GGT7: variants seen among roughly 807,000 people sequenced by gnomAD.
GGT7 encodes the protein gamma-glutamyltransferase 7.
In GGT7, 30 loss-of-function variants were observed where a neutral mutation model predicts 69.2. The observed-to-expected ratio is 0.43, with a 90% CI of 0.32 to 0.59. GGT7 has a LOEUF of 0.59. Ranked by LOEUF, GGT7 falls within the 20% of genes least tolerant of loss-of-function variation. GGT7 has a pLI of 0.05. For missense variants in GGT7, 733 were observed against 901.1 expected, an observed-to-expected ratio of 0.81 and a Z score of 2.39; for synonymous variants, 388 against 391.8, an observed-to-expected ratio of 0.99 and a Z score of 0.12.
intron 10 of GGT7, among the ~76,000 whole-genome samples, chr20:34,853,340 G>GGTGTGTGTGTGTGTGTGT (rs10527077): frequency 1.4e-4 from 21 of 147,322 alleles, no homozygotes; most frequent in African/African-American, 5.3e-4. Flanking sequence ...ATTTCATATA[G>GGTGTGTGTGTGTGTGTGT]GTGTGTGTGT....
chr20:34,862,906 C>A lies in GGT7; in HGVS notation c.465G>T (p.Glu155Asp). The A allele has an allele frequency of 2.5e-6, 4 of 1,614,108 alleles. No homozygotes were observed. Among genetic ancestry groups the A allele is most frequent in the Non-Finnish European group, 3.4e-6 (4 of 1,179,978 alleles). ...CAGAAGATCCCTGTTTACTGAGCAC[C>A]TCGATGCCCAGTGAAGTGCAGCGGG... ...DAARCTSLGI[E>D]VLSKQGSSVD... The change falls in exon 3 of 15, where the codon GAG becomes GAT. Residue 155 changes from glutamate (E) to aspartate (D), a missense_variant. Transcript: ENST00000336431.
At position 34,859,584 on chromosome 20, in the gene GGT7, C is replaced by G. The variant is rs747207276; in HGVS notation, c.873G>C (p.Thr291=). 3.7e-6 allele frequency: 6 copies of G among 1,602,852 alleles called. No individual in the cohort carries two copies. The highest frequency in any genetic ancestry group is 5.1e-6 in the Non-Finnish European group (6 of 1,175,052). The change falls in exon 7 of 15, where the codon ACG becomes ACC. Residue 291 remains threonine, a synonymous_variant. Coordinates refer to ENST00000336431, the MANE Select transcript of GGT7 (RefSeq NM_178026.3). ...GTGGCGGGCGGCCCGATGGCAGGAA[C>G]GTCTCCCGGAAGCGCTCGGACATGT... ...PPNMSERFRE[T]FLPSGRPPLP...
chr20:34,865,783 C>A (rs1460591750), intron 1 of GGT7, among the ~76,000 whole-genome samples: 1 of 152,216 alleles, frequency 6.6e-6, no homozygotes, highest in Non-Finnish European at 1.5e-5. Flanking sequence ...TCTTCCATCC[C>A]ATAGCTCCCT....
chr20:34,852,455 T>C lies in GGT7; in HGVS notation c.1403A>G (p.Asp468Gly). The C allele has an allele frequency of 1.2e-6, 2 of 1,613,592 alleles. No homozygotes were observed. The highest frequency in any genetic ancestry group is 1.7e-5 in the Admixed American group (1 of 59,882). ...CACCTGGGCAGCCGTGGGAGCTCCG[T>C]CTAGTTCATAGACAGGCAGGAGTGG... ...PAPLLPVYELDGAPTAAQVLI... is the reference protein window; with the variant it reads ...PAPLLPVYELGGAPTAAQVLI... The change falls in exon 11 of 15, where the codon GAC (aspartate) becomes GGC (glycine). Residue 468 changes from aspartate to glycine, a missense_variant. Asp to Gly is a moderately conservative substitution (Grantham distance 94). Coordinates refer to ENST00000336431, the MANE Select transcript of GGT7 (RefSeq NM_178026.3).
At chr20:34,858,842 C>A (rs537080619) in intron 7 of GGT7, among the ~76,000 whole-genome samples, 123 of 152,264 alleles carry the variant, frequency 8.1e-4, no homozygotes, top group African/African-American at 2.9e-3. Flanking sequence ...GCTGGCATCA[C>A]CCCTGAGAAG....
rs539307397 is a variant in GGT7, at chr20:34,871,218, C to T, written c.169+1429G>A. On this transcript the variant is annotated intron_variant, in intron 1 of 14. Transcript: ENST00000336431. ...AAATGCTAAGACATTTACAGAGGGCCAGAAGAAAACATGTCAGGCAGTTCC... is the reference window on the plus strand; with the variant it reads ...AAATGCTAAGACATTTACAGAGGGCTAGAAGAAAACATGTCAGGCAGTTCC... Among the ~76,000 whole-genome samples, 15 of 152,176 alleles carry T rather than the reference C, an allele frequency of 9.9e-5. No homozygotes were observed. In the East Asian group the frequency reaches 2.9e-3, roughly 29 times the overall value.
Position 34,851,264 on chromosome 20 carries a change from A to T in GGT7, c.1692T>A (p.Asn564Lys). The T allele has an allele frequency of 6.2e-7, 1 of 1,613,816 alleles. No homozygotes were observed. The highest frequency in any genetic ancestry group is 1.3e-5 in the African/African-American group (1 of 75,052). Residue 564 changes from asparagine to lysine, a missense_variant, in exon 13 of 15, where the codon AAT (asparagine) becomes AAA (lysine). Asn to Lys is a moderately conservative substitution (Grantham distance 94). Coordinates refer to ENST00000336431, the MANE Select transcript of GGT7 (RefSeq NM_178026.3). The part of the protein sequence containing the change: ...LCGTYLALGA[N>K]GAARGLSGLT... ...GGCCGCTGAGGCCCCGCGCAGCTCC[A>T]TTGGCCCCCAGAGCGAGGTAGGTTC...
intron 8 of GGT7, among the ~76,000 whole-genome samples, chr20:34,855,682 G>C (rs2079478691): frequency 6.6e-6 from 1 of 152,122 alleles, no homozygotes; most frequent in Admixed American, 6.5e-5. Context: ...TTTAAGGAGG[G>C]AACCAAGGCT....
At position 34,851,171 on chromosome 20, in the gene GGT7, G is replaced by A. The variant is rs2079383895; in HGVS notation, c.1725+60C>T. 8 of 1,589,594 alleles carry A rather than the reference G, an allele frequency of 5.0e-6. No individual in the cohort carries two copies. The Admixed American group carries it at 1.3e-4, about 26-fold the overall frequency. On this transcript the variant is annotated intron_variant, in intron 13 of 14. Transcript: ENST00000336431. The stretch of plus-strand genomic sequence containing the variant: ...CAAGCCACAGATATGACAGGCATCT[G>A]CAGTCTAGGCCACAGCTTGGCTCCC...
Position 34,856,814 on chromosome 20 carries a change from A to G in GGT7, c.1094T>C (p.Val365Ala). The change falls in exon 8 of 15, where the codon GTG (valine) becomes GCG (alanine). Residue 365 changes from valine to alanine, a missense_variant. By Grantham distance (64) the Val-to-Ala change is moderately conservative. Coordinates refer to ENST00000336431, the MANE Select transcript of GGT7 (RefSeq NM_178026.3). The stretch of plus-strand genomic sequence containing the variant: ...GCCGGGGGAGAGGTCACCTCTGTAC[A>G]CGCCACACACAGGCTTCTCCACAAG... Reference protein sequence around the residue: ...SALVEKPVCGVYRGHLVLSPP... With the variant: ...SALVEKPVCGAYRGHLVLSPP... 6.2e-7 allele frequency: 1 copy of G among 1,601,962 alleles called. No homozygotes were observed.
intron 11 of GGT7, 31 bp from the exon 12 acceptor site, chr20:34,852,303 T>G (rs984073016): frequency 6.2e-7 from 1 of 1,601,628 alleles, no homozygotes; most frequent in Non-Finnish European, 8.6e-7. Flanking sequence ...GGGTGAGCCC[T>G]GGCCCATCCT....
At chr20:34,848,264 A>G (rs2079330469) in intron 14 of GGT7, among the ~76,000 whole-genome samples, 1 of 152,170 alleles carries the variant, frequency 6.6e-6, no homozygotes, top group African/African-American at 2.4e-5. Context: ...TGAGCCATTC[A>G]TTCTGGTTTT....
At chr20:34,870,741 G>A (rs2079764776) in intron 1 of GGT7, among the ~76,000 whole-genome samples, 1 of 149,434 alleles carries the variant, frequency 6.7e-6, no homozygotes, top group Admixed American at 6.7e-5. Flanking sequence ...CAAAGTGCTG[G>A]GATTACAGGT....
intron 7 of GGT7, among the ~76,000 whole-genome samples, chr20:34,857,693 C>T (rs1383763917): frequency 6.8e-6 from 1 of 147,836 alleles, no homozygotes; most frequent in Non-Finnish European, 1.5e-5. Context: ...TCATGGCTCA[C>T]TGTAGCCTCA....
At chr20:34,871,048 A>G (rs62212084) in intron 1 of GGT7, among the ~76,000 whole-genome samples, 34,888 of 152,142 alleles carry the variant, frequency 0.23, 4,168 homozygotes, top group South Asian at 0.37. Context: ...CACCTCAGGC[A>G]TGAGCCACCG....
At chr20:34,849,262 A>T (rs1472118019) in intron 14 of GGT7, among the ~76,000 whole-genome samples, 1 of 151,074 alleles carries the variant, frequency 6.6e-6, no homozygotes, top group Non-Finnish European at 1.5e-5. Context: ...TCCCTGGTTC[A>T]AGCAATTCTC....
intron 1 of GGT7, among the ~76,000 whole-genome samples, chr20:34,871,737 CGA>C (rs2079781958): frequency 6.6e-6 from 1 of 152,144 alleles, no homozygotes; most frequent in African/African-American, 2.4e-5. Context: ...TGCGAGGAAG[CGA>C]GAGTGAGGTA....
chr20:34,853,728 A>G (rs1280740737), intron 10 of GGT7, among the ~76,000 whole-genome samples: 1 of 152,192 alleles, frequency 6.6e-6, no homozygotes, highest in Non-Finnish European at 1.5e-5. Flanking sequence ...TCCTTACCAC[A>G]ACCTTACAAG....
chr20:34,845,971 G>A (rs528036099), intron 14 of GGT7, among the ~76,000 whole-genome samples: 80 of 151,928 alleles, frequency 5.3e-4, no homozygotes, highest in Non-Finnish European at 1.0e-3. Flanking sequence ...AAGGTAGGAG[G>A]ATCGCTTGAC....
Sources: allele counts gnomAD v4.1 joint callset (sites outside exome capture counted in the v4.1 genomes callset), GRCh38; gene constraint gnomAD v4.1.1; transcripts MANE v1.5; gene names NCBI Gene and HGNC (gene_info 2026-07-23, HGNC 2026-07-21).